RPA3: variants seen among roughly 807,000 people sequenced by gnomAD.
The protein encoded by RPA3 is replication protein A 14 kDa subunit.
In RPA3, 24 loss-of-function variants were observed where a neutral mutation model predicts 13.7. The observed-to-expected ratio is 1.75, with a 90% CI of 1.27 to 2.46. The LOEUF (loss-of-function observed/expected upper bound fraction) is 2.46, where lower values mean the gene tolerates loss of function less well. Ranked by LOEUF, RPA3 falls within the 30% of genes most tolerant of loss-of-function variation. The pLI is 0.00. For synonymous variants in RPA3, 59 were observed against 51.2 expected (o/e 1.15, Z -0.65); for missense variants, 183 against 151.0 (o/e 1.21, Z -1.11).
chr7:7,643,010 C>G (rs1361905322), intron 4 of RPA3, among the ~76,000 whole-genome samples: 1 of 152,082 alleles, frequency 6.6e-6, no homozygotes, highest in Non-Finnish European at 1.5e-5. Context: ...GTACGTAGAT[C>G]ATATTTTTTT....
chr7:7,643,861 T>G (rs10253697), intron 4 of RPA3, among the ~76,000 whole-genome samples: 51,094 of 151,798 alleles, frequency 0.34, 9,852 homozygotes, highest in African/African-American at 0.52. Context: ...AAAGTAAACT[T>G]CCATTCCTGC....
chr7:7,650,551 G>A (rs372630876), intron 4 of RPA3, among the ~76,000 whole-genome samples: 10 of 152,270 alleles, frequency 6.6e-5, no homozygotes, highest in African/African-American at 1.9e-4. Flanking sequence ...GATGGCTGCA[G>A]GACAGTGTGA....
intron 7 of RPA3, among the ~76,000 whole-genome samples, chr7:7,637,324 T>C (rs1214647636): frequency 1.3e-5 from 2 of 152,168 alleles, no homozygotes; most frequent in East Asian, 1.9e-4. Context: ...TTGGGTGTTA[T>C]GCATTATTCA....
intron 2 of RPA3, among the ~76,000 whole-genome samples, chr7:7,688,696 T>C (rs916322306): frequency 2.0e-5 from 3 of 152,226 alleles, no homozygotes; most frequent in Non-Finnish European, 4.4e-5. Flanking sequence ...TTTTGTAATG[T>C]TATTTACGCC....
In RPA3 at chr7:7,699,049, TG is replaced by T. The variant is rs63713363; in HGVS notation, c.-1027-11722del. ...TTTATATAGTTTGTGTGTGTGTGTG[TG>T]GGGGGGGGGTAGATACCAGGTTTGC... On this transcript the variant is annotated intron_variant, in intron 2 of 7. Coordinates refer to ENST00000223129, the MANE Select transcript of RPA3 (RefSeq NM_002947.5). Among the ~76,000 whole-genome samples, 235 of 143,632 alleles carry T rather than the reference TG, an allele frequency of 1.6e-3. 1 individual carries two copies. Among genetic ancestry groups the T allele is most frequent in the East Asian group, 3.4e-3 (16 of 4,686 alleles). 94.2% of individuals were successfully genotyped at this position (143,632 alleles called of 152,430 possible). A position where few individuals can be genotyped will look rare whatever the true frequency, so the allele number is the denominator to read the frequency against.
intron 2 of RPA3, among the ~76,000 whole-genome samples, chr7:7,700,603 A>G (rs1780436295): frequency 6.6e-6 from 1 of 151,922 alleles, no homozygotes; most frequent in African/African-American, 2.4e-5. Context: ...AAAAACACCA[A>G]AGGGCCGGGC....
At chr7:7,647,671 G>A (rs1288912688) in intron 4 of RPA3, among the ~76,000 whole-genome samples, 2 of 152,206 alleles carry the variant, frequency 1.3e-5, no homozygotes, top group Non-Finnish European at 2.9e-5. Context: ...GCAGTGGCGT[G>A]ATTGTGGTGC....
chr7:7,711,070 A>G (rs926244737), intron 2 of RPA3, among the ~76,000 whole-genome samples: 13 of 152,184 alleles, frequency 8.5e-5, no homozygotes, highest in African/African-American at 1.9e-4. Flanking sequence ...GTGTGTGGCT[A>G]TAGAAGGATA....
intron 2 of RPA3, among the ~76,000 whole-genome samples, chr7:7,704,875 T>C (rs995016868): frequency 1.4e-5 from 2 of 148,122 alleles, no homozygotes; most frequent in African/African-American, 5.0e-5. Context: ...AAAAAAACGA[T>C]GTGTTTTATT....
rs1784872101 is a variant in RPA3 at position 7,636,643 on chromosome 7, G to C, written c.*357C>G. The C allele has an allele frequency of 5.4e-6, 1 of 186,128 alleles. No homozygotes were observed. Among genetic ancestry groups the C allele is most frequent in the African/African-American group, 2.4e-5 (1 of 41,950 alleles). The allele number at this position is 186,128 out of a possible 1,614,324, so 11.5% of individuals were successfully genotyped here. On this transcript the variant is annotated 3_prime_UTR_variant, in exon 8 of 8. Transcript: ENST00000223129. Reference sequence around the variant, plus strand: ...GTTTTATTTGGTAGGTCTAAATCTTGACCTTATGGCTATGAAATTTCAAGT... The same window carrying C: ...GTTTTATTTGGTAGGTCTAAATCTTCACCTTATGGCTATGAAATTTCAAGT...
chr7:7,683,338 T>C (rs1583731886), intron 4 of RPA3, among the ~76,000 whole-genome samples: 1 of 152,004 alleles, frequency 6.6e-6, no homozygotes, highest in Non-Finnish European at 1.5e-5. Flanking sequence ...ATTGATTTTT[T>C]CCCCCCAGAG....
chr7:7,704,709 G>T (rs6959569), intron 2 of RPA3, among the ~76,000 whole-genome samples: 3,600 of 138,250 alleles, frequency 0.026, 155 homozygotes, highest in African/African-American at 0.091. Context: ...GGAGGTTGCA[G>T]TGAGCTGAGA....
At chr7:7,712,538 A>G (rs1176234776) in intron 2 of RPA3, among the ~76,000 whole-genome samples, 1 of 152,204 alleles carries the variant, frequency 6.6e-6, no homozygotes, top group Non-Finnish European at 1.5e-5. Context: ...TGATACTTGT[A>G]GCAACCATCT....
chr7:7,665,594 C>A (rs1583709749), intron 4 of RPA3, among the ~76,000 whole-genome samples: 1 of 152,270 alleles, frequency 6.6e-6, no homozygotes, highest in African/African-American at 2.4e-5. Flanking sequence ...TGTGCTTATA[C>A]TGCTGAAACA....
intron 4 of RPA3, chr7:7,676,044 T>A (rs955215391): frequency 2.5e-6 from 1 of 398,216 alleles, no homozygotes; most frequent in African/African-American, 2.1e-5. Flanking sequence ...GTCTCAGCTC[T>A]TACTTCCTCT....
intron 4 of RPA3, among the ~76,000 whole-genome samples, chr7:7,655,605 G>T (rs969243831): frequency 6.6e-6 from 1 of 152,006 alleles, no homozygotes; most frequent in Non-Finnish European, 1.5e-5. Context: ...TTCTCAGTTG[G>T]CTGAAAGCAT....
chr7:7,677,175 A>G (rs1040272198), intron 4 of RPA3, among the ~76,000 whole-genome samples: 2 of 152,182 alleles, frequency 1.3e-5, no homozygotes, highest in Non-Finnish European at 2.9e-5. Context: ...TGACACAGGC[A>G]TATAATGTGT....
At chr7:7,680,356 T>G (rs10264890) in intron 4 of RPA3, among the ~76,000 whole-genome samples, 79,957 of 151,884 alleles carry the variant, frequency 0.53, 22,123 homozygotes, top group East Asian at 0.8. Flanking sequence ...TGTAAATGTG[T>G]GAATTTATTC....
chr7:7,711,844 A>C lies in RPA3; in HGVS notation c.-1028+3331T>G, dbSNP rs369283416. Among the ~76,000 whole-genome samples the C allele has an allele frequency of 7.9e-5, 12 of 152,256 alleles. 1 individual carries two copies. Among genetic ancestry groups the C allele is most frequent in the African/African-American group, 2.9e-4 (12 of 41,574 alleles). On this transcript the variant is annotated intron_variant, in intron 2 of 7. Transcript: ENST00000223129. ...AACTTTTCCTTAACTTTCATATTTC[A>C]GTCTGATTTAAAAAGTCCCTTCTTG...
Sources: gnomAD v4.1 joint callset for allele counts (sites outside exome capture counted in the v4.1 genomes callset) on GRCh38, gnomAD v4.1.1 for gene constraint, MANE v1.5 for transcripts, NCBI Gene and HGNC (gene_info 2026-07-23, HGNC 2026-07-21) for gene names.